The following GRIK4 variants were observed in gnomAD, a reference collection of about 807,000 sequenced individuals.
GRIK4 encodes the protein glutamate ionotropic receptor kainate type subunit 4, also known as glutamate receptor ionotropic, kainate 4.
Under a neutral mutation model 104.9 loss-of-function variants are expected in GRIK4, and 40 were observed. The ratio of observed to expected loss-of-function variants is 0.38; its 90% CI spans 0.30 to 0.50. GRIK4 has a LOEUF of 0.50. Among genes scored for constraint, GRIK4 ranks in the 20% least tolerant of loss-of-function variants. The pLI is 0.93. For missense variants in GRIK4, 1,047 were observed against 1,308.1 expected (o/e 0.80, Z 3.08); for synonymous variants, 485 against 524.9 (o/e 0.92, Z 1.04).
chr11:120,660,687 G>T (rs554168665), intron 3 of GRIK4, among the ~76,000 whole-genome samples: 1 of 152,170 alleles, frequency 6.6e-6, no homozygotes, highest in African/African-American at 2.4e-5. Flanking sequence ...GGCAGCTGTC[G>T]GGGAAAAAGG....
intron 2 of GRIK4, among the ~76,000 whole-genome samples, chr11:120,660,057 T>G (rs1591778043): frequency 6.6e-6 from 1 of 152,226 alleles, no homozygotes; most frequent in Non-Finnish European, 1.5e-5. Context: ...TCTTCATTTC[T>G]AATGACACGC....
intron 1 of GRIK4, among the ~76,000 whole-genome samples, chr11:120,564,150 C>A (rs1468638617): frequency 2.0e-5 from 3 of 152,174 alleles, no homozygotes; most frequent in Non-Finnish European, 4.4e-5. Flanking sequence ...GGAGCCCCAG[C>A]CAGCTCCCTC....
chr11:120,648,052 G>T (rs1463671961), intron 1 of GRIK4, among the ~76,000 whole-genome samples: 1 of 152,194 alleles, frequency 6.6e-6, no homozygotes, highest in Non-Finnish European at 1.5e-5. Context: ...GGGTTCTCGG[G>T]TGTATGTGCC....
intron 3 of GRIK4, among the ~76,000 whole-genome samples, chr11:120,764,690 G>A (rs12276368): frequency 0.13 from 19,956 of 151,934 alleles, 1,476 homozygotes; most frequent in Admixed American, 0.2. Context: ...GTGTATAAAG[G>A]ATTTTATTTC....
chr11:120,715,484 C>T (rs1950813458), intron 3 of GRIK4, among the ~76,000 whole-genome samples: 1 of 152,088 alleles, frequency 6.6e-6, no homozygotes, highest in African/African-American at 2.4e-5. Context: ...GATGAAGGAC[C>T]CCTGGCCTAA....
rs117948513 is a variant in GRIK4 at position 120,576,845 on chromosome 11, C to T, written c.-159+64958C>T. Among the ~76,000 whole-genome samples the T allele has an allele frequency of 7.2e-3, 1,093 of 152,260 alleles. 9 individuals carry two copies. The highest frequency in any genetic ancestry group is 0.014 in the Middle Eastern group (4 of 294). On this transcript the variant is annotated intron_variant, in intron 1 of 20. Coordinates refer to ENST00000527524, the MANE Select transcript of GRIK4 (RefSeq NM_014619.5). ...GCCTGTGCTGGGCCCGGGACATGGC[C>T]GGCTAATGTTTGGTTCTGGGTGACC...
chr11:120,561,454 G>A (rs1195852480), intron 1 of GRIK4, among the ~76,000 whole-genome samples: 1 of 152,214 alleles, frequency 6.6e-6, no homozygotes, highest in Non-Finnish European at 1.5e-5. Flanking sequence ...ACATGGCGCT[G>A]GTGACAGGCA....
At chr11:120,745,217 T>C (rs771684996) in intron 3 of GRIK4, among the ~76,000 whole-genome samples, 1 of 152,212 alleles carries the variant, frequency 6.6e-6, no homozygotes, top group Non-Finnish European at 1.5e-5. Context: ...ACTGGACATC[T>C]TCTAGAACAC....
intron 11 of GRIK4, among the ~76,000 whole-genome samples, chr11:120,897,871 G>A (rs185431451): frequency 3.3e-4 from 50 of 152,054 alleles, no homozygotes; most frequent in African/African-American, 9.6e-4. Flanking sequence ...TGAGATCTGC[G>A]TTCCTGGGTC....
chr11:120,570,946 T>G (rs957889473), intron 1 of GRIK4, among the ~76,000 whole-genome samples: 4 of 152,240 alleles, frequency 2.6e-5, no homozygotes, highest in African/African-American at 9.6e-5. Context: ...AGTTGGTAAC[T>G]GCCTTGTTTT....
intron 1 of GRIK4, among the ~76,000 whole-genome samples, chr11:120,629,171 A>T (rs1414068986): frequency 6.6e-6 from 1 of 152,114 alleles, no homozygotes; most frequent in Non-Finnish European, 1.5e-5. Context: ...AGAGGTGGGG[A>T]AGGTGGAGGG....
intron 8 of GRIK4, among the ~76,000 whole-genome samples, chr11:120,857,495 C>T (rs1223574261): frequency 5.3e-5 from 2 of 37,960 alleles, no homozygotes; most frequent in Non-Finnish European, 9.8e-5. Flanking sequence ...CACATGTATG[C>T]ACACATGCAC....
Position 120,939,096 on chromosome 11 carries a change from G to C in GRIK4, c.1477-1251G>C, listed in dbSNP as rs1310653965. On this transcript the variant is annotated intron_variant, in intron 13 of 20. Coordinates refer to ENST00000527524, the MANE Select transcript of GRIK4 (RefSeq NM_014619.5). The surrounding 1 kb of genome is among the most constrained non-coding windows in gnomAD (Gnocchi z 5.6). ...GGTTGGTTAGTTGGTTGTTAGAGTA[G>C]AGGATGCATTAGAACTGAGCACCAG... Among the ~76,000 whole-genome samples, 1 of 152,054 alleles carries C rather than the reference G, an allele frequency of 6.6e-6. No homozygotes were observed. Among genetic ancestry groups the C allele is most frequent in the African/African-American group, 2.4e-5 (1 of 41,430 alleles).
chr11:120,651,012 G>T (rs1031430544), intron 1 of GRIK4, among the ~76,000 whole-genome samples: 1 of 152,176 alleles, frequency 6.6e-6, no homozygotes, highest in Non-Finnish European at 1.5e-5. Flanking sequence ...CCAATCTGCC[G>T]ATTTTTCTCC....
intron 13 of GRIK4, among the ~76,000 whole-genome samples, chr11:120,920,144 G>A (rs1300826580): frequency 1.3e-5 from 2 of 152,062 alleles, no homozygotes; most frequent in African/African-American, 2.4e-5. Flanking sequence ...GTGTGGACTT[G>A]GACAAGTCTC....
chr11:120,745,333 T>A (rs1951420611), intron 3 of GRIK4, among the ~76,000 whole-genome samples: 1 of 152,248 alleles, frequency 6.6e-6, no homozygotes, highest in South Asian at 2.1e-4. Context: ...CTATAAATTT[T>A]TTTTTCTCTC....
intron 3 of GRIK4, among the ~76,000 whole-genome samples, chr11:120,750,534 T>A (rs1205782354): frequency 8.3e-6 from 1 of 120,072 alleles, no homozygotes; most frequent in Non-Finnish European, 2.1e-5. Flanking sequence ...GCTTGGTTAA[T>A]TTTTTTGTAT....
chr11:120,597,814 T>C (rs550743807), intron 1 of GRIK4, among the ~76,000 whole-genome samples: 117 of 152,218 alleles, frequency 7.7e-4, no homozygotes, highest in Non-Finnish European at 6.6e-4. Context: ...CTGTGAGATC[T>C]CCCCAAAGTT....
At chr11:120,753,596 T>C (rs1293158602) in intron 3 of GRIK4, among the ~76,000 whole-genome samples, 1 of 152,156 alleles carries the variant, frequency 6.6e-6, no homozygotes, top group East Asian at 1.9e-4. Flanking sequence ...TTTTCCTTTT[T>C]TGGCAAAACA....
Sources: allele counts gnomAD v4.1 joint callset (sites outside exome capture counted in the v4.1 genomes callset), GRCh38; gene constraint gnomAD v4.1.1; non-coding constraint Gnocchi (gnomAD v3.1); transcripts MANE v1.5; gene names NCBI Gene and HGNC (gene_info 2026-07-23, HGNC 2026-07-21).